Variants in SGCZ observed in about 807,000 individuals in gnomAD.
The protein encoded by SGCZ is sarcoglycan zeta.
SGCZ carries 40 observed loss-of-function variants against 41.3 expected under a neutral mutation model. The ratio of observed to expected loss-of-function variants is 0.97; its 90% confidence interval spans 0.75 to 1.26. The LOEUF (loss-of-function observed/expected upper bound fraction) is 1.26. SGCZ is among the 50% of genes most tolerant of loss of function. The pLI, the probability that SGCZ is intolerant of heterozygous loss-of-function variation, is 0.00. For synonymous variants in SGCZ, 206 were observed against 137.5 expected (o/e 1.50, Z -3.49); for missense variants, 552 against 369.8 (o/e 1.49, Z -4.04).
At chr8:14,463,373 G>A (rs1382722471) in intron 2 of SGCZ, among the ~76,000 whole-genome samples, 27 of 146,368 alleles carry the variant, frequency 1.8e-4, no homozygotes, top group African/African-American at 6.8e-4. Context: ...GTAGACCAAT[G>A]GAAAAGAATA....
intron 2 of SGCZ, among the ~76,000 whole-genome samples, chr8:14,506,184 C>G (rs13279315): frequency 7.9e-6 from 1 of 126,516 alleles, no homozygotes; most frequent in Admixed American, 7.4e-5. Context: ...AAAAAACAAA[C>G]AAACAAACAA....
At chr8:15,149,074 G>A (rs2117013652) in intron 1 of SGCZ, among the ~76,000 whole-genome samples, 1 of 152,300 alleles carries the variant, frequency 6.6e-6, no homozygotes, top group African/African-American at 2.4e-5. Flanking sequence ...TTCTGTAAGT[G>A]TCTGTTAAGT....
intron 5 of SGCZ, among the ~76,000 whole-genome samples, chr8:14,110,045 G>A (rs939171449): frequency 6.6e-6 from 1 of 151,714 alleles, no homozygotes; most frequent in Admixed American, 6.6e-5. Flanking sequence ...TTATTTAAGC[G>A]GTTTATTCTT....
chr8:14,542,256 T>C (rs1803492800), intron 2 of SGCZ, among the ~76,000 whole-genome samples: 1 of 152,128 alleles, frequency 6.6e-6, no homozygotes, highest in Non-Finnish European at 1.5e-5. Context: ...AGGGTTTTTA[T>C]AGTTTTCTTT....
intron 5 of SGCZ, among the ~76,000 whole-genome samples, chr8:14,138,424 C>T (rs1281808156): frequency 6.6e-6 from 1 of 151,448 alleles, no homozygotes; most frequent in Admixed American, 6.6e-5. Context: ...CATCAGTGTG[C>T]TGTATTCAGG....
At chr8:14,961,341 C>G (rs1800960972) in intron 1 of SGCZ, among the ~76,000 whole-genome samples, 1 of 152,086 alleles carries the variant, frequency 6.6e-6, no homozygotes, top group Non-Finnish European at 1.5e-5. Context: ...GGAAAATACG[C>G]TGGTTTCTAA....
At chr8:15,226,830 GA>G (rs112030467) in intron 1 of SGCZ, among the ~76,000 whole-genome samples, 13,547 of 152,118 alleles carry the variant, frequency 0.089, 738 homozygotes, top group African/African-American at 0.15. Context: ...CTAACAGAAG[GA>G]AAAAAGCAGA....
intron 1 of SGCZ, among the ~76,000 whole-genome samples, chr8:14,617,613 G>A (rs1456187050): frequency 1.3e-5 from 2 of 152,114 alleles, no homozygotes; most frequent in Admixed American, 1.3e-4. Context: ...GAAATTCAGA[G>A]AACAGAGAAC....
chr8:14,690,687 A>G (rs1665573125), intron 1 of SGCZ: 1 of 152,196 alleles, frequency 6.6e-6, no homozygotes, highest in Non-Finnish European at 1.5e-5. Flanking sequence ...TGGCTGGTGT[A>G]AAATAATGAA....
At chr8:14,320,933 A>C (rs918651523) in intron 3 of SGCZ, among the ~76,000 whole-genome samples, 1 of 152,052 alleles carries the variant, frequency 6.6e-6, no homozygotes, top group Non-Finnish European at 1.5e-5. Flanking sequence ...AATGTATGTA[A>C]TTTGACAACA....
At chr8:14,943,911 T>G (rs2130824402) in intron 1 of SGCZ, among the ~76,000 whole-genome samples, 1 of 152,278 alleles carries the variant, frequency 6.6e-6, no homozygotes, top group East Asian at 1.9e-4. Flanking sequence ...GACGTAATCT[T>G]GTTCTTTTTT....
In SGCZ at chr8:14,362,959, G is replaced by A. The variant is rs1468864780; in HGVS notation, c.235-38755C>T. ...TATATAGTACAATGTGGTAAGATGT[G>A]AGTTTTTAAAATGACTTTACAGATT... On this transcript the variant is annotated intron_variant, in intron 2 of 7. Transcript: ENST00000382080. Among the ~76,000 whole-genome samples, 3 of 152,234 alleles carry A rather than the reference G, an allele frequency of 2.0e-5. No homozygotes were observed. In the East Asian group the frequency reaches 5.8e-4, roughly 29 times the overall value.
chr8:15,056,985 C>A (rs1804731111), intron 1 of SGCZ, among the ~76,000 whole-genome samples: 1 of 152,154 alleles, frequency 6.6e-6, no homozygotes, highest in Non-Finnish European at 1.5e-5. Context: ...TCACCTCTGC[C>A]AGATTGCGTG....
intron 4 of SGCZ, among the ~76,000 whole-genome samples, chr8:14,188,002 C>A (rs529279959): frequency 6.6e-6 from 1 of 152,078 alleles, no homozygotes; most frequent in African/African-American, 2.4e-5. Flanking sequence ...GGCCTCTCAT[C>A]AGAAACAATG....
At chr8:15,161,575 A>T (rs139678607) in intron 1 of SGCZ, among the ~76,000 whole-genome samples, 1 of 152,226 alleles carries the variant, frequency 6.6e-6, no homozygotes, top group Admixed American at 6.5e-5. Flanking sequence ...AATGAATTAA[A>T]TTTGTATGAA....
chr8:14,472,617 G>A (rs1417200944), intron 2 of SGCZ, among the ~76,000 whole-genome samples: 1 of 152,048 alleles, frequency 6.6e-6, no homozygotes, highest in African/African-American at 2.4e-5. Context: ...AGTGGTAAAT[G>A]TTTTCCCATA....
At chr8:14,131,827 T>C (rs1803050075) in intron 5 of SGCZ, among the ~76,000 whole-genome samples, 2 of 152,318 alleles carry the variant, frequency 1.3e-5, no homozygotes, top group Middle Eastern at 3.4e-3. Context: ...AAATATTTAC[T>C]ACTGTGTGCA....
chr8:15,137,344 G>T (rs1020640653), intron 1 of SGCZ, among the ~76,000 whole-genome samples: 2 of 152,170 alleles, frequency 1.3e-5, no homozygotes, highest in South Asian at 2.1e-4. Flanking sequence ...CAATAAAAAA[G>T]AAAACCCCAT....
At chr8:14,712,089 C>T (rs575398250) in intron 1 of SGCZ, among the ~76,000 whole-genome samples, 4 of 152,138 alleles carry the variant, frequency 2.6e-5, no homozygotes, top group South Asian at 2.1e-4. Flanking sequence ...GCCAACATGG[C>T]GAATCCTCGT....
Sources: allele counts gnomAD v4.1 joint callset (sites outside exome capture counted in the v4.1 genomes callset), GRCh38; gene constraint gnomAD v4.1.1; transcripts MANE v1.5; gene names NCBI Gene and HGNC (gene_info 2026-07-23, HGNC 2026-07-21).